The following ATP13A4 variants were observed in gnomAD, a reference collection of about 807,000 sequenced individuals.
ATP13A4 encodes ATPase 13A4, also known as probable cation-transporting ATPase 13A4.
In ATP13A4, 114 loss-of-function variants were observed where a neutral mutation model predicts 142.5. That is an observed-to-expected ratio of 0.80 (90% CI 0.69 to 0.93). ATP13A4 has a LOEUF of 0.93. Among genes scored for constraint, ATP13A4 ranks in the 40% least tolerant of loss-of-function variants. ATP13A4 has a pLI of 0.00. For missense variants in ATP13A4, 1,392 were observed against 1,454.0 expected, an observed-to-expected ratio of 0.96 and a Z score of 0.69; for synonymous variants, 488 against 514.8, an observed-to-expected ratio of 0.95 and a Z score of 0.70.
intron 25 of ATP13A4, among the ~76,000 whole-genome samples, chr3:193,418,057 G>A (rs1245207142): frequency 2.4e-5 from 3 of 125,380 alleles, no homozygotes; most frequent in African/African-American, 6.0e-5. Context: ...GGGAGGCAGA[G>A]CTTGCAGTGA....
At chr3:193,472,762 A>G (rs578234108) in intron 8 of ATP13A4, among the ~76,000 whole-genome samples, 57 of 152,316 alleles carry the variant, frequency 3.7e-4, no homozygotes, top group African/African-American at 1.2e-3. Context: ...GGTTTCAGGC[A>G]TCTACCTGGG....
intron 2 of ATP13A4, among the ~76,000 whole-genome samples, chr3:193,575,450 G>T (rs902484899): frequency 1.3e-5 from 2 of 152,100 alleles, no homozygotes; most frequent in Non-Finnish European, 2.9e-5. Flanking sequence ...AATTTGAATT[G>T]CACAGGAATT....
chr3:193,407,015 A>G (rs1436977215), intron 29 of ATP13A4, among the ~76,000 whole-genome samples: 2 of 152,248 alleles, frequency 1.3e-5, no homozygotes, highest in Non-Finnish European at 2.9e-5. Flanking sequence ...TGCGTGAATC[A>G]TATCTCAATT....
At chr3:193,550,187 G>A (rs1723469234) in intron 1 of ATP13A4, among the ~76,000 whole-genome samples, 1 of 152,162 alleles carries the variant, frequency 6.6e-6, no homozygotes, top group African/African-American at 2.4e-5. Context: ...ATTGCACCAT[G>A]CTGTGTAATA....
At chr3:193,431,694 A>G (rs1715985282) in intron 25 of ATP13A4, among the ~76,000 whole-genome samples, 1 of 151,150 alleles carries the variant, frequency 6.6e-6, no homozygotes, top group Admixed American at 6.6e-5. Flanking sequence ...GTATATATAC[A>G]TTTATATATA....
intron 2 of ATP13A4, among the ~76,000 whole-genome samples, chr3:193,511,616 C>G (rs1303657585): frequency 6.6e-6 from 1 of 152,226 alleles, no homozygotes; most frequent in Admixed American, 6.5e-5. Context: ...TGGTGTTTGA[C>G]AATGCATTTT....
chr3:193,540,863 C>T lies in ATP13A4; in HGVS notation c.60+13877G>A, dbSNP rs535670509. Among the ~76,000 whole-genome samples, 7 of 152,168 alleles carry T rather than the reference C, an allele frequency of 4.6e-5. No individual in the cohort carries two copies. The East Asian group carries it at 9.7e-4, about 21-fold the overall frequency. ...TCAAGCAAAATACTAATGGTATTTG[C>T]CGTGGGTGACGGCATCATTGTGATT... On this transcript the variant is annotated intron_variant, in intron 1 of 29. Coordinates refer to ENST00000342695, the MANE Select transcript of ATP13A4 (RefSeq NM_032279.4).
At chr3:193,572,028 C>T (rs959739486) in intron 2 of ATP13A4, among the ~76,000 whole-genome samples, 3 of 152,096 alleles carry the variant, frequency 2.0e-5, no homozygotes, top group Non-Finnish European at 4.4e-5. Context: ...AGGCAGATGG[C>T]TTGGGCCAGG....
chr3:193,459,818 T>A (rs1210060364), intron 13 of ATP13A4, among the ~76,000 whole-genome samples: 1 of 152,178 alleles, frequency 6.6e-6, no homozygotes, highest in Non-Finnish European at 1.5e-5. Context: ...ATTATCCCCA[T>A]CATCTCATTT....
At chr3:193,445,400 C>A (rs2108626326) in intron 18 of ATP13A4, among the ~76,000 whole-genome samples, 1 of 152,052 alleles carries the variant, frequency 6.6e-6, no homozygotes, top group Non-Finnish European at 1.5e-5. Context: ...CGCACCACTG[C>A]ACTCCAGCCC....
chr3:193,483,447 T>C (rs1156871167), intron 8 of ATP13A4, among the ~76,000 whole-genome samples: 4 of 152,196 alleles, frequency 2.6e-5, no homozygotes, highest in Admixed American at 2.0e-4. Context: ...AATAAAGTAG[T>C]TTTTTTGTTT....
chr3:193,521,795 T>C (rs897602410), intron 1 of ATP13A4, among the ~76,000 whole-genome samples: 8 of 152,034 alleles, frequency 5.3e-5, no homozygotes, highest in African/African-American at 1.9e-4. Context: ...TAGCTGGGTG[T>C]GGTGGCACAC....
At chr3:193,415,424 C>T (rs1715010035) in intron 25 of ATP13A4, among the ~76,000 whole-genome samples, 1 of 152,192 alleles carries the variant, frequency 6.6e-6, no homozygotes, top group Non-Finnish European at 1.5e-5. Flanking sequence ...CAAGTGAACA[C>T]TGAATCAAGA....
At chr3:193,553,343 A>G (rs1723696155) in intron 1 of ATP13A4, 1 of 152,218 alleles carries the variant, frequency 6.6e-6, no homozygotes, top group South Asian at 2.1e-4. Context: ...ATTCTTATTG[A>G]GACTTGAAAG....
intron 1 of ATP13A4, among the ~76,000 whole-genome samples, chr3:193,534,649 T>C (rs1722498886): frequency 6.6e-6 from 1 of 151,786 alleles, no homozygotes; most frequent in African/African-American, 2.4e-5. Context: ...AAATGAAAAA[T>C]AGAACAAAAA....
At chr3:193,589,416 A>G (rs1724724438) in intron 1 of ATP13A4, among the ~76,000 whole-genome samples, 1 of 152,178 alleles carries the variant, frequency 6.6e-6, no homozygotes, top group Non-Finnish European at 1.5e-5. Flanking sequence ...ATCTCCCAAG[A>G]AGAACTTTGC....
At chr3:193,510,982 T>C (rs1022161962) in intron 2 of ATP13A4, among the ~76,000 whole-genome samples, 2 of 152,248 alleles carry the variant, frequency 1.3e-5, no homozygotes, top group African/African-American at 4.8e-5. Context: ...AGCAAACTTT[T>C]AAACTATTGG....
At chr3:193,546,759 A>C (rs759229449) in intron 1 of ATP13A4, among the ~76,000 whole-genome samples, 23 of 152,248 alleles carry the variant, frequency 1.5e-4, no homozygotes, top group Non-Finnish European at 2.6e-4. Context: ...TAAGGCAAGG[A>C]CTTAAGCCAT....
chr3:193,585,478 T>C (rs530155874), intron 1 of ATP13A4, among the ~76,000 whole-genome samples: 7 of 126,256 alleles, frequency 5.5e-5, no homozygotes, highest in Non-Finnish European at 1.2e-4. Context: ...GGTTTGTTTG[T>C]GGGTTTTTTG....
Sources: gnomAD v4.1 joint callset for allele counts (sites outside exome capture counted in the v4.1 genomes callset) on GRCh38, gnomAD v4.1.1 for gene constraint, MANE v1.5 for transcripts, NCBI Gene and HGNC (gene_info 2026-07-23, HGNC 2026-07-21) for gene names.